The following ZFHX3 variants were observed in gnomAD, a reference collection of about 807,000 sequenced individuals.
ZFHX3 encodes the protein zinc finger homeobox 3.
Under a neutral mutation model 279.1 loss-of-function variants are expected in ZFHX3, and 42 were observed. The observed-to-expected ratio is 0.15, with a 90% CI of 0.12 to 0.19. ZFHX3 has a LOEUF of 0.19. ZFHX3 is among the 10% of genes least tolerant of loss of function. The pLI, the probability that ZFHX3 is intolerant of heterozygous loss-of-function variation, is 1.00. For synonymous variants in ZFHX3, 2,293 were observed against 1,957.8 expected, an observed-to-expected ratio of 1.17 and a Z score of -4.52; for missense variants, 4,981 against 4,754.0, an observed-to-expected ratio of 1.05 and a Z score of -1.40.
intron 1 of ZFHX3, among the ~76,000 whole-genome samples, chr16:73,004,953 T>C (rs939918234): frequency 2.6e-5 from 4 of 152,220 alleles, no homozygotes; most frequent in Non-Finnish European, 4.4e-5. Context: ...AACCTAATTT[T>C]TCCGCCATTT....
intron 3 of ZFHX3, among the ~76,000 whole-genome samples, chr16:73,365,039 C>T (rs1313971414): frequency 6.6e-6 from 1 of 152,130 alleles, no homozygotes; most frequent in Non-Finnish European, 1.5e-5. Flanking sequence ...GGCGCCTCTC[C>T]CCCCACCCAG....
chr16:73,011,631 G>C (rs1477954257), intron 1 of ZFHX3, among the ~76,000 whole-genome samples: 1 of 152,040 alleles, frequency 6.6e-6, no homozygotes, highest in Non-Finnish European at 1.5e-5. Context: ...GGCTGAGGCA[G>C]GAGAATCACT....
intron 2 of ZFHX3, among the ~76,000 whole-genome samples, chr16:73,512,923 C>T (rs1029441899): frequency 7.9e-5 from 12 of 152,350 alleles, no homozygotes; most frequent in African/African-American, 2.6e-4. Context: ...CAGGCACTAA[C>T]ATCTGTGTGA....
intron 3 of ZFHX3, among the ~76,000 whole-genome samples, chr16:72,941,139 C>T (rs930335625): frequency 2.6e-5 from 4 of 152,140 alleles, no homozygotes; most frequent in East Asian, 1.9e-4. Context: ...CACTGTGTGA[C>T]GCAAAGGCAT....
Position 73,536,066 on chromosome 16 carries a change from G to A in ZFHX3, c.-1546-79808C>T, listed in dbSNP as rs573700016. Among the ~76,000 whole-genome samples, 52 of 152,200 alleles carry A rather than the reference G, an allele frequency of 3.4e-4. No individual in the cohort carries two copies. The South Asian group carries it at 0.01, about 30-fold the overall frequency. On this transcript the variant is annotated intron_variant, in intron 2 of 17. Coordinates refer to the ZFHX3 transcript ENST00000641206. ...CAAATTTTCTATCACTGTGTAAGCT[G>A]GAGATGGTTTTAGATACTTGCAAAC...
At chr16:73,453,275 G>C (rs1315776411) in intron 3 of ZFHX3, among the ~76,000 whole-genome samples, 1 of 152,214 alleles carries the variant, frequency 6.6e-6, no homozygotes, top group Admixed American at 6.5e-5. Flanking sequence ...TTGAGAGGTA[G>C]AGTCTACTGT....
At chr16:73,311,249 AC>A in intron 4 of ZFHX3, among the ~76,000 whole-genome samples, 1 of 152,086 alleles carries the variant, frequency 6.6e-6, no homozygotes, top group South Asian at 2.1e-4. Flanking sequence ...ACAAAAAAAA[AC>A]AAAAAACAAA....
chr16:72,790,262 CAA>C (rs778048328), intron 9 of ZFHX3: 1 of 152,606 alleles, frequency 6.6e-6, no homozygotes, highest in African/African-American at 2.4e-5. Flanking sequence ...GCTGAGAAAA[CAA>C]AGAGGAGGAT....
intron 3 of ZFHX3, among the ~76,000 whole-genome samples, chr16:72,932,653 C>CAAAAA (rs3079316): frequency 1.9e-5 from 2 of 103,220 alleles, no homozygotes; most frequent in Non-Finnish European, 4.0e-5. Context: ...TGCTCCGCAC[C>CAAAAA]AAAAAAAAAA....
In ZFHX3 at chr16:73,676,526, A is replaced by T. The variant is rs112788562; in HGVS notation, c.-1547+3654T>A. On this transcript the variant is annotated intron_variant, in intron 2 of 17. Coordinates refer to the ZFHX3 transcript ENST00000641206. ...TCATAAAATACTAACAAAGAACCAT[A>T]CAGTCTATATGCCCAAAGACAGAGA... 1.6e-3 allele frequency among the ~76,000 whole-genome samples: 243 copies of T among 152,154 alleles called. 1 individual carries two copies. The highest frequency in any genetic ancestry group is 5.7e-3 in the African/African-American group (235 of 41,576).
At chr16:73,207,013 A>G (rs969350595) in intron 5 of ZFHX3, among the ~76,000 whole-genome samples, 26 of 100,470 alleles carry the variant, frequency 2.6e-4, no homozygotes, top group Admixed American at 1.7e-3. Flanking sequence ...GCGAGAATCC[A>G]TCTCAAAAAT....
chr16:73,071,792 C>G (rs2144756214), intron 8 of ZFHX3, among the ~76,000 whole-genome samples: 1 of 152,316 alleles, frequency 6.6e-6, no homozygotes, highest in Non-Finnish European at 1.5e-5. Flanking sequence ...TTTATTCTCA[C>G]AGAAAGGTGG....
chr16:73,720,789 T>A (rs1251730622), intron 1 of ZFHX3, among the ~76,000 whole-genome samples: 1 of 152,224 alleles, frequency 6.6e-6, no homozygotes, highest in African/African-American at 2.4e-5. Flanking sequence ...TTACTGATAA[T>A]TATTAATACT....
chr16:72,882,199 C>CA (rs1367667318), intron 4 of ZFHX3, among the ~76,000 whole-genome samples: 15 of 135,920 alleles, frequency 1.1e-4, no homozygotes, highest in Admixed American at 6.7e-4. Context: ...TTTGCTGTGC[C>CA]AAAAAAAACC....
intron 3 of ZFHX3, among the ~76,000 whole-genome samples, chr16:73,320,419 G>T (rs1405856346): frequency 1.3e-5 from 2 of 152,146 alleles, no homozygotes; most frequent in Non-Finnish European, 2.9e-5. Flanking sequence ...AAATTACACG[G>T]CATTTATTTA....
At chr16:73,527,355 G>C (rs973102445) in intron 2 of ZFHX3, among the ~76,000 whole-genome samples, 1 of 152,164 alleles carries the variant, frequency 6.6e-6, no homozygotes, top group African/African-American at 2.4e-5. Context: ...TTTTGAGACA[G>C]GTTGTGTCTA....
intron 5 of ZFHX3, among the ~76,000 whole-genome samples, chr16:73,245,306 G>A (rs562137316): frequency 8.9e-4 from 135 of 152,164 alleles, no homozygotes; most frequent in African/African-American, 3.1e-3. Flanking sequence ...GTCTCGCTCT[G>A]TCACCCAGGC....
At chr16:72,859,269 C>A (rs1186979940) in intron 4 of ZFHX3, among the ~76,000 whole-genome samples, 1 of 152,202 alleles carries the variant, frequency 6.6e-6, no homozygotes, top group East Asian at 1.9e-4. Context: ...TCTTTCTTTT[C>A]CCCTGTCACC....
At chr16:73,072,982 C>T (rs2144757510) in intron 8 of ZFHX3, among the ~76,000 whole-genome samples, 1 of 152,254 alleles carries the variant, frequency 6.6e-6, no homozygotes, top group African/African-American at 2.4e-5. Context: ...CTGCAACCTC[C>T]ATTTCCCGGG....
Sources: gnomAD v4.1 joint callset for allele counts (sites outside exome capture counted in the v4.1 genomes callset) on GRCh38, gnomAD v4.1.1 for gene constraint, MANE v1.5 for transcripts, NCBI Gene and HGNC (gene_info 2026-07-23, HGNC 2026-07-21) for gene names.